The following DEFB1 variants were observed in gnomAD, a reference collection of about 807,000 sequenced individuals.
DEFB1 encodes defensin beta 1.
Under a neutral mutation model 2.6 loss-of-function variants are expected in DEFB1, and 4 were observed. That is an observed-to-expected ratio of 1.53 (90% CI 0.76 to 3.51). The LOEUF (loss-of-function observed/expected upper bound fraction) is 3.51, where lower values mean the gene tolerates loss of function less well. Among genes scored for constraint, DEFB1 ranks in the 30% most tolerant of loss-of-function variants. The probability of loss-of-function intolerance (pLI) is 0.01; values close to 1 mark genes in which losing one functional copy is unlikely to be tolerated. For missense variants in DEFB1, 162 were observed against 76.9 expected (o/e 2.11, Z -4.14); for synonymous variants, 56 against 28.5 (o/e 1.96, Z -3.07).
intron 1 of DEFB1, among the ~76,000 whole-genome samples, chr8:6,874,229 C>T (rs2978869): frequency 6.6e-6 from 1 of 151,970 alleles, no homozygotes; most frequent in Admixed American, 6.6e-5. Flanking sequence ...AGAGAAAGAC[C>T]GAAACAAAAG....
intron 1 of DEFB1, among the ~76,000 whole-genome samples, chr8:6,876,100 C>T (rs964891324): frequency 1.3e-5 from 2 of 152,176 alleles, no homozygotes; most frequent in African/African-American, 4.8e-5. Flanking sequence ...AAAACATATG[C>T]ACACACCCCA....
chr8:6,871,876 G>C (rs1232011727), intron 1 of DEFB1, among the ~76,000 whole-genome samples: 2 of 152,102 alleles, frequency 1.3e-5, no homozygotes, highest in Non-Finnish European at 1.5e-5. Context: ...TAAACTGCCT[G>C]GTCTGTTTAT....
At chr8:6,874,349 A>G (rs919852535) in intron 1 of DEFB1, among the ~76,000 whole-genome samples, 1 of 66,106 alleles carries the variant, frequency 1.5e-5, no homozygotes, top group Non-Finnish European at 2.9e-5. Flanking sequence ...GCATTTGAAG[A>G]TTACTTTTTT....
At chr8:6,876,940 A>G (rs1289765256) in intron 1 of DEFB1, among the ~76,000 whole-genome samples, 1 of 152,174 alleles carries the variant, frequency 6.6e-6, no homozygotes, top group Non-Finnish European at 1.5e-5. Context: ...TTCAGATGGA[A>G]AAACTGAGGC....
chr8:6,877,100 C>G (rs1806560855), intron 1 of DEFB1, among the ~76,000 whole-genome samples: 1 of 152,160 alleles, frequency 6.6e-6, no homozygotes, highest in Non-Finnish European at 1.5e-5. Flanking sequence ...TAAACCAAGG[C>G]TTAGCACCAT....
intron 1 of DEFB1, among the ~76,000 whole-genome samples, chr8:6,874,534 C>A (rs1477929207): frequency 6.6e-6 from 1 of 152,048 alleles, no homozygotes; most frequent in Non-Finnish European, 1.5e-5. Context: ...AAGTGTAGAG[C>A]GTCTGTAATT....
rs1806592863 is a variant in DEFB1 at position 6,877,871 on chromosome 8, C to T, written c.-14G>A. On this transcript the variant is annotated 5_prime_UTR_variant, in exon 1 of 2. Transcript: ENST00000297439. ...GGAAGTTCTCATGGCGACTGGCAGGCAACACCCAGGATTTCAGGAACTGGG... is the reference window on the plus strand; with the variant it reads ...GGAAGTTCTCATGGCGACTGGCAGGTAACACCCAGGATTTCAGGAACTGGG... The T allele has an allele frequency of 1.2e-6, 2 of 1,613,656 alleles. No homozygotes were observed. The highest frequency in any genetic ancestry group is 1.6e-4 in the Middle Eastern group (1 of 6,084).
At chr8:6,871,706 T>C (rs535527451) in intron 1 of DEFB1, among the ~76,000 whole-genome samples, 23 of 152,240 alleles carry the variant, frequency 1.5e-4, no homozygotes, top group Admixed American at 5.2e-4. Flanking sequence ...TAAGAAGAGA[T>C]TGGGACAGAC....
intron 1 of DEFB1, among the ~76,000 whole-genome samples, chr8:6,874,078 G>A (rs1806427115): frequency 6.6e-6 from 1 of 151,664 alleles, no homozygotes; most frequent in South Asian, 2.1e-4. Context: ...CAATAATTGT[G>A]GACCAGGCAG....
At chr8:6,872,664 G>C (rs1278009006) in intron 1 of DEFB1, among the ~76,000 whole-genome samples, 1 of 152,208 alleles carries the variant, frequency 6.6e-6, no homozygotes, top group Non-Finnish European at 1.5e-5. Flanking sequence ...ACTCAGGGAA[G>C]CATCTTGGGC....
intron 1 of DEFB1, among the ~76,000 whole-genome samples, chr8:6,873,114 A>G (rs538866914): frequency 1.3e-5 from 2 of 152,346 alleles, no homozygotes; most frequent in Admixed American, 1.3e-4. Context: ...ATATGGATGT[A>G]GCTTTTTAGA....
At chr8:6,870,856 C>G (rs373955028) in intron 1 of DEFB1, 30 bp from the exon 2 acceptor site, 11 of 1,581,736 alleles carry the variant, frequency 7.0e-6, no homozygotes, top group African/African-American at 1.4e-5. Context: ...ACACTTCAGA[C>G]TCATGGCTTG....
chr8:6,870,814 A>T lies in DEFB1; in HGVS notation c.74T>A (p.Leu25His). 1 of 1,613,164 alleles carries T rather than the reference A, an allele frequency of 6.2e-7. No homozygotes were observed. The highest frequency in any genetic ancestry group is 8.5e-7 in the Non-Finnish European group (1 of 1,179,670). Residue 25 changes from leucine to histidine, a missense_variant, in exon 2 of 2, where the codon CTC becomes CAC. Coordinates refer to ENST00000297439, the MANE Select transcript of DEFB1 (RefSeq NM_005218.4). ...LSEMASGGNF[L>H]TGLGHRSDHY... Reference sequence around the variant, plus strand: ...ATCAGATCTGTGGCCAAGGCCTGTGAGAAAGTTACCACCTGTAAGGAGGGA... The same window carrying T: ...ATCAGATCTGTGGCCAAGGCCTGTGTGAAAGTTACCACCTGTAAGGAGGGA...
At chr8:6,874,707 C>T (rs1334023176) in intron 1 of DEFB1, among the ~76,000 whole-genome samples, 4 of 152,114 alleles carry the variant, frequency 2.6e-5, no homozygotes, top group Non-Finnish European at 5.9e-5. Flanking sequence ...CTGGGCTGGG[C>T]ATGGTGGCTC....
At chr8:6,875,243 C>T (rs904195647) in intron 1 of DEFB1, among the ~76,000 whole-genome samples, 8 of 152,084 alleles carry the variant, frequency 5.3e-5, no homozygotes, top group Admixed American at 3.3e-4. Flanking sequence ...GTGCAGTAAC[C>T]TTACGGAAAA....
chr8:6,874,685 C>T (rs1585000246), intron 1 of DEFB1, among the ~76,000 whole-genome samples: 1 of 152,136 alleles, frequency 6.6e-6, no homozygotes, highest in East Asian at 1.9e-4. Context: ...ATAGTCTTAT[C>T]AACAGTTGGT....
rs1806274712 is a variant in DEFB1, at chr8:6,870,684, C to G, written c.204G>C (p.Lys68Asn). ...ATTTCTTCTGGTCACTCCCAGCTCA[C>G]TTGCAGCACTTGGCCTTCCCTCTGT... is the stretch of plus-strand genomic sequence containing the variant. ...TCYRGKAKCC[K>N] The change falls in exon 2 of 2, where the codon AAG becomes AAC. Residue 68 changes from lysine to asparagine, a missense_variant. Transcript: ENST00000297439. The G allele has an allele frequency of 4.3e-6, 7 of 1,613,738 alleles. No individual in the cohort carries two copies. The highest frequency in any genetic ancestry group is 5.1e-6 in the Non-Finnish European group (6 of 1,179,934).
At chr8:6,871,074 T>G (rs1806293516) in intron 1 of DEFB1, among the ~76,000 whole-genome samples, 1 of 152,222 alleles carries the variant, frequency 6.6e-6, no homozygotes, top group Non-Finnish European at 1.5e-5. Context: ...TGAGTGGGGT[T>G]TTCTTCTGCT....
At chr8:6,876,331 C>T (rs1383748947) in intron 1 of DEFB1, among the ~76,000 whole-genome samples, 5 of 152,040 alleles carry the variant, frequency 3.3e-5, no homozygotes, top group African/African-American at 9.7e-5. Context: ...CAAAAATTAG[C>T]CAGGCTTGGT....
Sources: gnomAD v4.1 joint callset for allele counts (sites outside exome capture counted in the v4.1 genomes callset) on GRCh38, gnomAD v4.1.1 for gene constraint, MANE v1.5 for transcripts, NCBI Gene and HGNC (gene_info 2026-07-23, HGNC 2026-07-21) for gene names.